Variants in KCNMB2 observed in about 807,000 individuals in gnomAD.
KCNMB2 encodes the protein calcium-activated potassium channel subunit beta-2.
Under a neutral mutation model 24.5 loss-of-function variants are expected in KCNMB2, and 9 were observed. The observed-to-expected ratio is 0.37, with a 90% CI of 0.22 to 0.64. The LOEUF is 0.64. Ranked by LOEUF, KCNMB2 falls within the 30% of genes least tolerant of loss-of-function variation. The pLI is 0.63. For synonymous variants in KCNMB2, 109 were observed against 104.4 expected (o/e 1.04, Z -0.27); for missense variants, 226 against 284.3 (o/e 0.79, Z 1.47).
At position 178,778,396 on chromosome 3, in the gene KCNMB2, T is replaced by G. The variant is rs926808964; in HGVS notation, c.-67-28947T>G. Among the ~76,000 whole-genome samples, 6 of 150,772 alleles carry G rather than the reference T, an allele frequency of 4.0e-5. No individual in the cohort carries two copies. In the South Asian group the frequency reaches 1.3e-3, roughly 32 times the overall value. ...CCACATGGTCAATAAGGAGGAAAGCTGAGAGTCAGTCATGTGAGTCTAATG... is the reference window on the plus strand; with the variant it reads ...CCACATGGTCAATAAGGAGGAAAGCGGAGAGTCAGTCATGTGAGTCTAATG... On this transcript the variant is annotated intron_variant, in intron 1 of 4. Transcript: ENST00000452583.
chr3:178,662,450 T>C (rs1004078486), intron 1 of KCNMB2, among the ~76,000 whole-genome samples: 2 of 152,166 alleles, frequency 1.3e-5, no homozygotes, highest in Non-Finnish European at 2.9e-5. Flanking sequence ...ACAGATCATT[T>C]TGGGTTATAA....
intron 1 of KCNMB2, among the ~76,000 whole-genome samples, chr3:178,712,512 AC>A (rs1722487406): frequency 6.6e-6 from 1 of 152,298 alleles, no homozygotes; most frequent in East Asian, 1.9e-4. Flanking sequence ...GTAGCATGTC[AC>A]CCCAGTGAAA....
At chr3:178,543,388 T>C (rs1416580325) in intron 1 of KCNMB2, among the ~76,000 whole-genome samples, 2 of 152,216 alleles carry the variant, frequency 1.3e-5, no homozygotes, top group East Asian at 3.8e-4. Flanking sequence ...CTTCACTCTG[T>C]CTGTGGCTGC....
chr3:178,833,224 G>A (rs1276033538), intron 4 of KCNMB2, among the ~76,000 whole-genome samples: 2 of 152,030 alleles, frequency 1.3e-5, no homozygotes, highest in Non-Finnish European at 2.9e-5. Context: ...AAGTGAATAG[G>A]GGAATTATCA....
At chr3:178,572,309 G>C (rs921623158) in intron 1 of KCNMB2, among the ~76,000 whole-genome samples, 15 of 152,140 alleles carry the variant, frequency 9.9e-5, no homozygotes, top group African/African-American at 3.6e-4. Flanking sequence ...TAGAATGCAT[G>C]ACTACCTATT....
intron 1 of KCNMB2, among the ~76,000 whole-genome samples, chr3:178,785,045 T>G (rs1713046113): frequency 6.6e-6 from 1 of 151,900 alleles, no homozygotes; most frequent in Admixed American, 6.6e-5. Context: ...ATGTTAGGAA[T>G]CAGGCAGAAA....
At chr3:178,591,555 T>C (rs1159115601) in intron 1 of KCNMB2, among the ~76,000 whole-genome samples, 1 of 152,138 alleles carries the variant, frequency 6.6e-6, no homozygotes, top group Admixed American at 6.6e-5. Flanking sequence ...GAAACCCACA[T>C]TGAAGAAGGG....
chr3:178,742,014 C>A (rs1388729116), intron 1 of KCNMB2, among the ~76,000 whole-genome samples: 1 of 152,150 alleles, frequency 6.6e-6, no homozygotes, highest in Non-Finnish European at 1.5e-5. Context: ...TACAGATGCA[C>A]TGATTTATGA....
chr3:178,613,639 T>A (rs1156501249), intron 1 of KCNMB2, among the ~76,000 whole-genome samples: 1 of 152,172 alleles, frequency 6.6e-6, no homozygotes, highest in Non-Finnish European at 1.5e-5. Flanking sequence ...TTTAAATATG[T>A]CATGCCACTC....
At chr3:178,592,822 T>G (rs1469809604) in intron 1 of KCNMB2, among the ~76,000 whole-genome samples, 3 of 152,076 alleles carry the variant, frequency 2.0e-5, no homozygotes, top group African/African-American at 7.2e-5. Context: ...GGAATCAGAA[T>G]TTCTGTGAGA....
At chr3:178,594,974 T>C (rs1717813219) in intron 1 of KCNMB2, among the ~76,000 whole-genome samples, 1 of 147,818 alleles carries the variant, frequency 6.8e-6, no homozygotes, top group African/African-American at 2.5e-5. Context: ...GAGGCTAATA[T>C]AGACATGGGC....
intron 1 of KCNMB2, among the ~76,000 whole-genome samples, chr3:178,617,701 A>C (rs1718758856): frequency 6.6e-6 from 1 of 151,892 alleles, no homozygotes; most frequent in South Asian, 2.1e-4. Context: ...CATCCTGGCC[A>C]ACACGATGAA....
At chr3:178,687,464 T>C (rs532273532) in intron 1 of KCNMB2, among the ~76,000 whole-genome samples, 2 of 152,220 alleles carry the variant, frequency 1.3e-5, no homozygotes, top group South Asian at 2.1e-4. Flanking sequence ...TTTGCAAAGA[T>C]AGCATGAGAA....
chr3:178,577,419 G>C (rs1717036080), intron 1 of KCNMB2, among the ~76,000 whole-genome samples: 3 of 152,172 alleles, frequency 2.0e-5, no homozygotes, highest in Admixed American at 2.0e-4. Context: ...GGAAAAACCA[G>C]CTCAACAATT....
At chr3:178,802,484 T>C (rs1713810894) in intron 1 of KCNMB2, among the ~76,000 whole-genome samples, 1 of 152,092 alleles carries the variant, frequency 6.6e-6, no homozygotes, top group Non-Finnish European at 1.5e-5. Context: ...TGGTAGGAAG[T>C]GAGAAGACAC....
intron 1 of KCNMB2, among the ~76,000 whole-genome samples, chr3:178,673,347 AC>A (rs1720969402): frequency 6.6e-6 from 1 of 152,116 alleles, no homozygotes; most frequent in Admixed American, 6.5e-5. Context: ...CTAGTCTATT[AC>A]CAAATGCAAT....
intron 1 of KCNMB2, among the ~76,000 whole-genome samples, chr3:178,799,965 A>G (rs1046631652): frequency 1.3e-5 from 2 of 152,104 alleles, no homozygotes; most frequent in Non-Finnish European, 2.9e-5. Flanking sequence ...TGGGAAAACT[A>G]AATATCTATA....
At chr3:178,664,391 A>C (rs1285092259) in intron 1 of KCNMB2, among the ~76,000 whole-genome samples, 1 of 152,150 alleles carries the variant, frequency 6.6e-6, no homozygotes, top group Non-Finnish European at 1.5e-5. Flanking sequence ...GAAAGGCTAT[A>C]AAAATCTAAG....
At chr3:178,684,438 A>C (rs189486296) in intron 1 of KCNMB2, among the ~76,000 whole-genome samples, 14 of 152,244 alleles carry the variant, frequency 9.2e-5, no homozygotes, top group Admixed American at 6.5e-4. Context: ...CATGAGCACT[A>C]TAGGTAATAT....
Sources: gnomAD v4.1 joint callset for allele counts (sites outside exome capture counted in the v4.1 genomes callset) on GRCh38, gnomAD v4.1.1 for gene constraint, MANE v1.5 for transcripts, NCBI Gene and HGNC (gene_info 2026-07-23, HGNC 2026-07-21) for gene names.